Variants in C14orf39 observed in about 807,000 individuals in gnomAD.
C14orf39 encodes chromosome 14 open reading frame 39.
C14orf39 carries 66 observed loss-of-function variants against 85.6 expected under a neutral mutation model. The observed-to-expected ratio is 0.77, with a 90% CI of 0.63 to 0.95. The LOEUF (loss-of-function observed/expected upper bound fraction) is 0.95. Among genes scored for constraint, C14orf39 ranks in the 40% least tolerant of loss-of-function variants. The pLI, the probability that C14orf39 is intolerant of heterozygous loss-of-function variation, is 0.00. For synonymous variants in C14orf39, 242 were observed against 214.0 expected (o/e 1.13, Z -1.14); for missense variants, 735 against 663.9 (o/e 1.11, Z -1.18).
chr14:60,459,991 C>A (rs1429838955), intron 13 of C14orf39, among the ~76,000 whole-genome samples: 1 of 151,544 alleles, frequency 6.6e-6, no homozygotes, highest in Non-Finnish European at 1.5e-5. Context: ...CATGATTGGA[C>A]TTTTTAATGC....
chr14:60,442,144 T>C lies in C14orf39; in HGVS notation c.1504-13A>G. 1.3e-6 allele frequency: 2 copies of C among 1,528,958 alleles called. No individual in the cohort carries two copies. The highest frequency in any genetic ancestry group is 9.1e-7 in the Non-Finnish European group (1 of 1,103,660). 94.7% of individuals were successfully genotyped at this position (1,528,958 alleles called of 1,614,324 possible). On this transcript the variant is annotated splice_polypyrimidine_tract_variant and intron_variant, in intron 16 of 17. Transcript: ENST00000321731. ...AATGTTCATTAAACTGGAAAATAATTTCCATTAAATATTACTTGTGAAATC... is the reference window on the plus strand; with the variant it reads ...AATGTTCATTAAACTGGAAAATAATCTCCATTAAATATTACTTGTGAAATC...
chr14:60,511,509 A>G, intron 1 of C14orf39: 1 of 586,768 alleles, frequency 1.7e-6, no homozygotes, highest in Non-Finnish European at 3.0e-6. Flanking sequence ...GCTTTTTCCT[A>G]AGGATTTTGC....
At chr14:60,509,367 TCA>T in intron 1 of C14orf39, 1 of 1,586,308 alleles carries the variant, frequency 6.3e-7, no homozygotes, top group Non-Finnish European at 8.6e-7. Context: ...CGCTCCGGGC[TCA>T]GTGCCCTCGC....
intron 16 of C14orf39, among the ~76,000 whole-genome samples, chr14:60,444,350 T>G (rs900114592): frequency 1.3e-5 from 2 of 151,974 alleles, no homozygotes; most frequent in African/African-American, 4.8e-5. Context: ...TAGAGAAGAC[T>G]TTAAATGGCC....
intron 17 of C14orf39, among the ~76,000 whole-genome samples, chr14:60,439,401 G>A (rs1890403247): frequency 6.6e-6 from 1 of 152,096 alleles, no homozygotes; most frequent in East Asian, 1.9e-4. Context: ...CAGGTGAACA[G>A]TAAGACTGAA....
upstream of C14orf39, among the ~76,000 whole-genome samples, chr14:60,489,778 G>A (rs1347091357): frequency 6.6e-6 from 1 of 152,168 alleles, no homozygotes; most frequent in African/African-American, 2.4e-5. Context: ...AAATGAAAGA[G>A]AGAGAATCTT....
At chr14:60,501,880 G>A (rs1893154632) in intron 1 of C14orf39, among the ~76,000 whole-genome samples, 1 of 152,126 alleles carries the variant, frequency 6.6e-6, no homozygotes, top group South Asian at 2.1e-4. Context: ...CCACAAGAGG[G>A]GAACTAACAC....
intron 16 of C14orf39, among the ~76,000 whole-genome samples, chr14:60,451,068 A>T (rs776732535): frequency 6.6e-6 from 1 of 152,112 alleles, no homozygotes; most frequent in Non-Finnish European, 1.5e-5. Flanking sequence ...CAACAACTAC[A>T]AGCATCAAGA....
chr14:60,463,592 G>A (rs946153903), intron 11 of C14orf39, among the ~76,000 whole-genome samples: 4 of 152,010 alleles, frequency 2.6e-5, no homozygotes, highest in African/African-American at 7.2e-5. Flanking sequence ...AACTTTCATG[G>A]TATATGAATT....
At chr14:60,511,545 C>A (rs1893294882) in intron 1 of C14orf39, 2 of 551,276 alleles carry the variant, frequency 3.6e-6, no homozygotes, top group South Asian at 2.1e-5. Context: ...GGAACCCGAA[C>A]TGCAAGCTGA....
At chr14:60,439,540 C>A (rs976030109) in intron 17 of C14orf39, among the ~76,000 whole-genome samples, 22 of 152,128 alleles carry the variant, frequency 1.4e-4, no homozygotes, top group African/African-American at 5.3e-4. Flanking sequence ...ATGCTCCAAA[C>A]CTTAAAAGCC....
intron 4 of C14orf39, among the ~76,000 whole-genome samples, chr14:60,480,258 T>A (rs1177412997): frequency 6.6e-6 from 1 of 151,818 alleles, no homozygotes; most frequent in Admixed American, 6.6e-5. Flanking sequence ...CCTGTCTCTA[T>A]TAAAAATACA....
At chr14:60,451,653 C>G (rs1485097185) in intron 16 of C14orf39, among the ~76,000 whole-genome samples, 2 of 140,932 alleles carry the variant, frequency 1.4e-5, no homozygotes, top group Admixed American at 1.6e-4. Context: ...CTCTTGGACA[C>G]AGGATGGTGA....
chr14:60,509,594 A>G (rs1041005718), intron 1 of C14orf39: 11 of 1,613,350 alleles, frequency 6.8e-6, no homozygotes, highest in Non-Finnish European at 9.3e-6. Context: ...TCACGGTGGC[A>G]ACTACCGCGA....
chr14:60,501,325 A>AG (rs398025299), intron 1 of C14orf39, among the ~76,000 whole-genome samples: 9 of 150,654 alleles, frequency 6.0e-5, no homozygotes, highest in African/African-American at 2.2e-4. Flanking sequence ...AAAAAAAAAA[A>AG]GCAATCACAT....
intron 11 of C14orf39, among the ~76,000 whole-genome samples, chr14:60,464,115 G>T (rs1202174395): frequency 6.6e-6 from 1 of 152,148 alleles, no homozygotes; most frequent in African/African-American, 2.4e-5. Flanking sequence ...CCTTAAAAAT[G>T]GGGCTGACTC....
At chr14:60,445,949 C>T (rs1890744525) in intron 16 of C14orf39, among the ~76,000 whole-genome samples, 2 of 152,156 alleles carry the variant, frequency 1.3e-5, no homozygotes, top group African/African-American at 4.8e-5. Context: ...GAACAACATG[C>T]TCCTGAATGA....
Position 60,448,726 on chromosome 14 carries a change from G to A in C14orf39, c.1503+6275C>T, listed in dbSNP as rs1890897183. On this transcript the variant is annotated intron_variant, in intron 16 of 17. Transcript: ENST00000321731. ...AAATCATGCTGCTATAAAGACACATGCACACGTATGTTTTTTGTGGCACTA... is the reference window on the plus strand; with the variant it reads ...AAATCATGCTGCTATAAAGACACATACACACGTATGTTTTTTGTGGCACTA... Among the ~76,000 whole-genome samples, 5 of 152,154 alleles carry A rather than the reference G, an allele frequency of 3.3e-5. No individual in the cohort carries two copies. In the South Asian group the frequency reaches 8.3e-4, roughly 25 times the overall value.
intron 1 of C14orf39, among the ~76,000 whole-genome samples, chr14:60,514,822 G>T (rs1453744212): frequency 1.3e-5 from 2 of 152,240 alleles, no homozygotes; most frequent in Admixed American, 1.3e-4. Context: ...ATTCAACGGG[G>T]ACGCGAGAGC....
Sources: gnomAD v4.1 joint callset for allele counts (sites outside exome capture counted in the v4.1 genomes callset) on GRCh38, gnomAD v4.1.1 for gene constraint, MANE v1.5 for transcripts, NCBI Gene and HGNC (gene_info 2026-07-23, HGNC 2026-07-21) for gene names.